MCM9: variants seen among roughly 807,000 people sequenced by gnomAD.
MCM9 encodes the protein DNA helicase MCM9.
A neutral mutation model predicts 72.8 loss-of-function variants in MCM9; 55 were observed. The observed-to-expected ratio is 0.76, with a 90% CI of 0.61 to 0.95. The LOEUF is 0.95. Among genes scored for constraint, MCM9 ranks in the 40% least tolerant of loss-of-function variants. The pLI, the probability that MCM9 is intolerant of heterozygous loss-of-function variation, is 0.00. For missense variants in MCM9, 1,279 were observed against 1,377.0 expected (o/e 0.93, Z 1.13); for synonymous variants, 480 against 503.4 (o/e 0.95, Z 0.62).
intron 5 of MCM9, chr6:118,918,631 A>G (rs1781160931): frequency 6.6e-6 from 1 of 152,230 alleles, no homozygotes; most frequent in Admixed American, 6.5e-5. Flanking sequence ...CAAACATGAA[A>G]AAAATCATAA....
intron 8 of MCM9, among the ~76,000 whole-genome samples, chr6:118,877,435 T>A (rs1056034743): frequency 1.3e-5 from 2 of 152,032 alleles, no homozygotes; most frequent in East Asian, 3.9e-4. Flanking sequence ...AATAAACACA[T>A]GAAAAGGTGC....
At chr6:118,828,640 C>T (rs1421535169) in intron 10 of MCM9, among the ~76,000 whole-genome samples, 2 of 152,178 alleles carry the variant, frequency 1.3e-5, no homozygotes, top group Non-Finnish European at 2.9e-5. Flanking sequence ...CTGTCTCAGC[C>T]TCCCAAAGTG....
chr6:118,903,653 C>A (rs1779965185), intron 8 of MCM9, among the ~76,000 whole-genome samples: 1 of 152,052 alleles, frequency 6.6e-6, no homozygotes, highest in African/African-American at 2.4e-5. Flanking sequence ...GATGTAAGCT[C>A]CAAAAAAGAT....
At chr6:118,835,943 C>CT (rs1774926903) in intron 9 of MCM9, among the ~76,000 whole-genome samples, 1 of 152,142 alleles carries the variant, frequency 6.6e-6, no homozygotes, top group Non-Finnish European at 1.5e-5. Context: ...AAGGGGAATG[C>CT]TTCCAGCTTT....
chr6:118,926,657 G>A (rs959233471), intron 3 of MCM9, among the ~76,000 whole-genome samples: 14 of 152,112 alleles, frequency 9.2e-5, no homozygotes, highest in African/African-American at 2.4e-4. Context: ...TAGATATACC[G>A]TATTTTGTTT....
intron 9 of MCM9, among the ~76,000 whole-genome samples, chr6:118,849,514 C>T (rs564072295): frequency 6.6e-6 from 1 of 151,266 alleles, no homozygotes; most frequent in South Asian, 2.1e-4. Flanking sequence ...CATAAAAGGG[C>T]CAGTATTAAA....
At chr6:118,838,320 G>C (rs146409241) in intron 9 of MCM9, among the ~76,000 whole-genome samples, 1 of 145,196 alleles carries the variant, frequency 6.9e-6, no homozygotes, top group African/African-American at 2.6e-5. Flanking sequence ...CCGCCACCAC[G>C]CCTGGCTTTT....
At position 118,931,479 on chromosome 6, in the gene MCM9, T is replaced by C. The variant is rs756550575; in HGVS notation, c.245A>G (p.Gln82Arg). Residue 82 changes from glutamine to arginine, a missense_variant, in exon 3 of 14, where the codon CAG becomes CGG. Coordinates refer to ENST00000619706, the MANE Select transcript of MCM9 (RefSeq NM_017696.3). ...ALRRSALTIL[Q>R]SLSQPEAVSM... The stretch of plus-strand genomic sequence containing the variant: ...AACAGCCTCAGGCTGAGAAAGGGAC[T>C]GGAGAATTGTCAAGGCTGACCTTCG... 6.2e-7 allele frequency: 1 copy of C among 1,614,186 alleles called. No homozygotes were observed. Among genetic ancestry groups the C allele is most frequent in the South Asian group, 1.1e-5 (1 of 91,082 alleles).
intron 3 of MCM9, among the ~76,000 whole-genome samples, chr6:118,928,849 T>C (rs1782132919): frequency 6.6e-6 from 1 of 150,436 alleles, no homozygotes; most frequent in Non-Finnish European, 1.5e-5. Flanking sequence ...AGTGAGACCC[T>C]GTCTCAAAAA....
Position 118,931,619 on chromosome 6 carries a change from A to G in MCM9, c.105T>C (p.Asp35=). The G allele has an allele frequency of 6.2e-7, 1 of 1,614,182 alleles. No homozygotes were observed. Among genetic ancestry groups the G allele is most frequent in the Non-Finnish European group, 8.5e-7 (1 of 1,180,016 alleles). The change falls in exon 3 of 14, where the codon GAT becomes GAC. Residue 35 remains aspartate, a synonymous_variant. Coordinates refer to ENST00000619706, the MANE Select transcript of MCM9 (RefSeq NM_017696.3). ...CATTAACCACAACTGGGTAATGAGC[A>G]TCTTCATCCCTTTCCTTCAAGATTA... ...ILLILKERDE[D]AHYPVVVNAM...
In MCM9 at chr6:118,907,544, C is replaced by T. The variant is rs1583625796; in HGVS notation, c.1150+4106G>A. 1.1e-5 allele frequency: 18 copies of T among 1,613,566 alleles called. No individual in the cohort carries two copies. The East Asian group carries it at 3.3e-4, about 30-fold the overall frequency. On this transcript the variant is annotated intron_variant, in intron 8 of 13. Coordinates refer to ENST00000619706, the MANE Select transcript of MCM9 (RefSeq NM_017696.3). Reference sequence around the variant, plus strand: ...CTTTCAACAGATGCATTACCTTCAGCATCAAAGGGATGGTCCACATCAGAA... The same window carrying T: ...CTTTCAACAGATGCATTACCTTCAGTATCAAAGGGATGGTCCACATCAGAA...
At chr6:118,824,039 T>A in intron 13 of MCM9, among the ~76,000 whole-genome samples, 1 of 1,338 alleles carries the variant, frequency 7.5e-4, no homozygotes, top group Admixed American at 0.014. Flanking sequence ...ACCCACCTTT[T>A]TTTTTTTTTT....
chr6:118,862,046 G>C (rs1776938774), intron 8 of MCM9, among the ~76,000 whole-genome samples: 1 of 152,262 alleles, frequency 6.6e-6, no homozygotes, highest in Non-Finnish European at 1.5e-5. Context: ...AGGCAGTGGG[G>C]TGGCACCCCT....
chr6:118,834,468 C>T (rs1774810986), intron 9 of MCM9, among the ~76,000 whole-genome samples: 1 of 152,164 alleles, frequency 6.6e-6, no homozygotes, highest in Non-Finnish European at 1.5e-5. Flanking sequence ...CTAATTTACA[C>T]ACCCACCAAC....
intron 8 of MCM9, among the ~76,000 whole-genome samples, chr6:118,860,238 G>A (rs1157619775): frequency 2.0e-5 from 3 of 152,026 alleles, no homozygotes; most frequent in Non-Finnish European, 4.4e-5. Flanking sequence ...AATGGAAAGA[G>A]TAGACAATAT....
chr6:118,884,229 A>C (rs903510739), intron 8 of MCM9, among the ~76,000 whole-genome samples: 1 of 152,216 alleles, frequency 6.6e-6, no homozygotes, highest in African/African-American at 2.4e-5. Context: ...TACATAAAAC[A>C]ATAATTATAC....
At chr6:118,861,300 AC>A (rs553746060) in intron 8 of MCM9, among the ~76,000 whole-genome samples, 86 of 152,360 alleles carry the variant, frequency 5.6e-4, no homozygotes, top group African/African-American at 2.0e-3. Context: ...AAAGCATGTC[AC>A]AGCCCTGGCT....
chr6:118,929,951 A>G (rs947358598), intron 3 of MCM9, among the ~76,000 whole-genome samples: 2 of 152,256 alleles, frequency 1.3e-5, no homozygotes, highest in African/African-American at 4.8e-5. Flanking sequence ...ATTTAAATTA[A>G]GTATTTGGTC....
At chr6:118,822,786 G>A (rs753754998) in intron 13 of MCM9, among the ~76,000 whole-genome samples, 44 of 152,192 alleles carry the variant, frequency 2.9e-4, no homozygotes, top group Non-Finnish European at 5.9e-4. Flanking sequence ...CCTGACTGGG[G>A]CTCCTTTCTT....
Sources: allele counts gnomAD v4.1 joint callset (sites outside exome capture counted in the v4.1 genomes callset), GRCh38; gene constraint gnomAD v4.1.1; transcripts MANE v1.5; gene names NCBI Gene and HGNC (gene_info 2026-07-23, HGNC 2026-07-21).